The following EXOC2 variants were observed in gnomAD, a reference collection of about 807,000 sequenced individuals.
EXOC2 encodes the protein exocyst complex component 2.
A neutral mutation model predicts 131.8 loss-of-function variants in EXOC2; 70 were observed. The observed-to-expected ratio is 0.53, with a 90% confidence interval of 0.44 to 0.65. EXOC2 has a LOEUF of 0.65. Ranked by LOEUF, EXOC2 falls within the 30% of genes least tolerant of loss-of-function variation. The pLI is 0.00. For synonymous variants in EXOC2, 411 were observed against 398.4 expected (o/e 1.03, Z -0.38); for missense variants, 923 against 1,108.6 (o/e 0.83, Z 2.38).
chr6:573,788 C>A (rs1385848833), intron 12 of EXOC2, among the ~76,000 whole-genome samples: 1 of 151,864 alleles, frequency 6.6e-6, no homozygotes, highest in South Asian at 2.1e-4. Flanking sequence ...CTGAAAGGTA[C>A]ACAGTGAAAA....
intron 9 of EXOC2, 81 bp downstream of exon 9, chr6:598,779 A>AT: frequency 8.5e-7 from 1 of 1,171,044 alleles, no homozygotes; most frequent in Non-Finnish European, 1.2e-6. Flanking sequence ...AAAAACTCAT[A>AT]TAACATTCTT....
chr6:539,153 G>A (rs1416030397), intron 22 of EXOC2, among the ~76,000 whole-genome samples: 1 of 152,090 alleles, frequency 6.6e-6, no homozygotes, highest in East Asian at 1.9e-4. Flanking sequence ...TCTGGAGGTA[G>A]CCCCATCATA....
chr6:576,223 A>G (rs1758569191), intron 12 of EXOC2, among the ~76,000 whole-genome samples: 1 of 152,224 alleles, frequency 6.6e-6, no homozygotes, highest in African/African-American at 2.4e-5. Context: ...CTGATAGTCG[A>G]TCATGTTGTA....
At chr6:650,994 A>C (rs1242035521) in intron 1 of EXOC2, among the ~76,000 whole-genome samples, 1 of 151,620 alleles carries the variant, frequency 6.6e-6, no homozygotes, top group Non-Finnish European at 1.5e-5. Flanking sequence ...AAACCTGCAG[A>C]TCTTATAACT....
At chr6:644,624 T>C (rs1187466212) in intron 1 of EXOC2, among the ~76,000 whole-genome samples, 2 of 152,138 alleles carry the variant, frequency 1.3e-5, no homozygotes, top group Admixed American at 6.5e-5. Flanking sequence ...AAGCAACTAA[T>C]AGCACTAATA....
At chr6:626,976 G>A (rs1761606603) in intron 4 of EXOC2, among the ~76,000 whole-genome samples, 1 of 152,116 alleles carries the variant, frequency 6.6e-6, no homozygotes, top group African/African-American at 2.4e-5. Flanking sequence ...CAAAAAGTAG[G>A]TGCTCTCTAG....
intron 23 of EXOC2, among the ~76,000 whole-genome samples, chr6:513,566 A>T (rs1037791371): frequency 6.6e-6 from 1 of 152,256 alleles, no homozygotes; most frequent in Non-Finnish European, 1.5e-5. Flanking sequence ...TTCCTTCAAT[A>T]CACAAACTTG....
chr6:521,307 C>T (rs1168841709), intron 23 of EXOC2, among the ~76,000 whole-genome samples: 11 of 152,186 alleles, frequency 7.2e-5, no homozygotes, highest in Admixed American at 3.9e-4. Flanking sequence ...CGTCCACACT[C>T]GGAGATGAAA....
intron 1 of EXOC2, among the ~76,000 whole-genome samples, chr6:668,897 G>A (rs1262567905): frequency 6.6e-6 from 1 of 152,090 alleles, no homozygotes; most frequent in African/African-American, 2.4e-5. Context: ...TTGCTGCATT[G>A]TTTTTTTCTG....
intron 22 of EXOC2, among the ~76,000 whole-genome samples, chr6:542,251 G>A (rs751086737): frequency 1.3e-5 from 2 of 152,070 alleles, no homozygotes; most frequent in Non-Finnish European, 2.9e-5. Flanking sequence ...TACATTATGC[G>A]ATATCTATTC....
intron 1 of EXOC2, among the ~76,000 whole-genome samples, chr6:657,647 A>C (rs1476416600): frequency 6.6e-6 from 1 of 152,166 alleles, no homozygotes; most frequent in Admixed American, 6.5e-5. Flanking sequence ...CAATGAATGC[A>C]CTTTTAAAAT....
intron 6 of EXOC2, among the ~76,000 whole-genome samples, chr6:611,021 CAT>C (rs1760686874): frequency 6.6e-6 from 1 of 152,168 alleles, no homozygotes; most frequent in African/African-American, 2.4e-5. Flanking sequence ...GTAACAGTGA[CAT>C]AAGATGTTTC....
Position 598,878 on chromosome 6 carries a change from C to A in EXOC2, c.952G>T (p.Val318Leu), listed in dbSNP as rs1336743537. 2 of 1,611,334 alleles carry A rather than the reference C, an allele frequency of 1.2e-6. No homozygotes were observed. The highest frequency in any genetic ancestry group is 4.5e-5 in the East Asian group (2 of 44,792). Residue 318 changes from valine (V) to leucine (L), a missense_variant, in exon 9 of 28, where the codon GTG becomes TTG. Coordinates refer to ENST00000230449, the MANE Select transcript of EXOC2 (RefSeq NM_018303.6). ...ATCTTACATTTCTTGAAAACTTGCA[C>A]CTCCGTTTTCCCAAAAAGTGACTTG... The part of the protein sequence containing the change: ...KAKSLFGKTE[V>L]QVFKKYYAEV...
chr6:652,697 G>A (rs913521034), intron 1 of EXOC2, among the ~76,000 whole-genome samples: 2 of 152,136 alleles, frequency 1.3e-5, no homozygotes, highest in East Asian at 3.8e-4. Flanking sequence ...GAATACTGGC[G>A]GGGCTGGGGG....
intron 1 of EXOC2, among the ~76,000 whole-genome samples, chr6:674,306 TAAAA>T (rs372347988): frequency 6.6e-6 from 1 of 151,140 alleles, no homozygotes; most frequent in East Asian, 1.9e-4. Flanking sequence ...AATAATTCTA[TAAAA>T]AAAAATAAAG....
At chr6:689,458 CACTT>C (rs1242917442) in intron 1 of EXOC2, among the ~76,000 whole-genome samples, 1 of 152,236 alleles carries the variant, frequency 6.6e-6, no homozygotes, top group African/African-American at 2.4e-5. Context: ...AAAATGCACT[CACTT>C]ACCAGCCCCT....
chr6:687,164 T>C (rs974776801), intron 1 of EXOC2, among the ~76,000 whole-genome samples: 4 of 126,672 alleles, frequency 3.2e-5, no homozygotes, highest in Non-Finnish European at 6.6e-5. Flanking sequence ...CATTATCAAA[T>C]AATATTCTTT....
intron 10 of EXOC2, among the ~76,000 whole-genome samples, chr6:595,908 A>G (rs908952029): frequency 1.3e-5 from 2 of 152,100 alleles, no homozygotes; most frequent in East Asian, 3.8e-4. Flanking sequence ...TTACATTTCT[A>G]GGATTCTACA....
At chr6:571,959 G>A (rs1319283549) in intron 13 of EXOC2, among the ~76,000 whole-genome samples, 1 of 152,222 alleles carries the variant, frequency 6.6e-6, no homozygotes, top group African/African-American at 2.4e-5. Context: ...TATGCTATCA[G>A]TCATATGATG....
Sources: gnomAD v4.1 joint callset for allele counts (sites outside exome capture counted in the v4.1 genomes callset) on GRCh38, gnomAD v4.1.1 for gene constraint, MANE v1.5 for transcripts, NCBI Gene and HGNC (gene_info 2026-07-23, HGNC 2026-07-21) for gene names.